Variants in SOX5 observed in about 807,000 individuals in gnomAD.
SOX5 encodes SRY-box transcription factor 5, also known as transcription factor SOX-5.
In SOX5, 9 loss-of-function variants were observed where a neutral mutation model predicts 92.0. That is an observed-to-expected ratio of 0.10 (90% CI 0.06 to 0.17). The LOEUF is 0.17. Among genes scored for constraint, SOX5 ranks in the 10% least tolerant of loss-of-function variants. The pLI is 1.00. For synonymous variants in SOX5, 344 were observed against 336.3 expected (o/e 1.02, Z -0.25); for missense variants, 642 against 944.5 (o/e 0.68, Z 4.20).
At chr12:24,166,061 G>A (rs952312767) in intron 4 of SOX5, among the ~76,000 whole-genome samples, 2 of 152,104 alleles carry the variant, frequency 1.3e-5, no homozygotes, top group Admixed American at 6.6e-5. Flanking sequence ...AGTGGAAGAA[G>A]AGACATAGAG....
At chr12:24,537,101 A>G (rs897198001) in intron 1 of SOX5, among the ~76,000 whole-genome samples, 1 of 152,262 alleles carries the variant, frequency 6.6e-6, no homozygotes, top group Non-Finnish European at 1.5e-5. Context: ...GAGACACAGT[A>G]AACACAATGC....
intron 6 of SOX5, among the ~76,000 whole-genome samples, chr12:23,715,310 A>G (rs924365560): frequency 1.3e-5 from 2 of 151,920 alleles, no homozygotes; most frequent in African/African-American, 2.4e-5. Flanking sequence ...AATAAAATAA[A>G]ATAAAATAAA....
intron 8 of SOX5, among the ~76,000 whole-genome samples, chr12:23,635,989 C>T (rs949829646): frequency 1.3e-5 from 2 of 152,030 alleles, no homozygotes; most frequent in Non-Finnish European, 2.9e-5. Flanking sequence ...TCACTAAGAC[C>T]AAAGAATAAG....
At chr12:23,779,689 T>C (rs1210957532) in intron 3 of SOX5, among the ~76,000 whole-genome samples, 1 of 150,662 alleles carries the variant, frequency 6.6e-6, no homozygotes, top group Non-Finnish European at 1.5e-5. Flanking sequence ...GAACTTCTTA[T>C]TTCTGTTTTC....
At chr12:23,629,966 A>G (rs1486645597) in intron 8 of SOX5, among the ~76,000 whole-genome samples, 1 of 152,000 alleles carries the variant, frequency 6.6e-6, no homozygotes, top group Non-Finnish European at 1.5e-5. Context: ...AATTTTCTCA[A>G]TTCAAGAAAT....
chr12:23,889,673 G>A (rs956344733), intron 2 of SOX5, among the ~76,000 whole-genome samples: 1 of 152,130 alleles, frequency 6.6e-6, no homozygotes, highest in Non-Finnish European at 1.5e-5. Context: ...GATCTCAGGT[G>A]TATTTCCAAA....
At chr12:24,532,871 G>A (rs867759921) in intron 1 of SOX5, among the ~76,000 whole-genome samples, 1 of 152,140 alleles carries the variant, frequency 6.6e-6, no homozygotes, top group Admixed American at 6.5e-5. Context: ...CAAAGCGAGC[G>A]TCATAAAATG....
At chr12:23,658,499 C>T (rs1184518037) in intron 7 of SOX5, among the ~76,000 whole-genome samples, 1 of 152,114 alleles carries the variant, frequency 6.6e-6, no homozygotes, top group Non-Finnish European at 1.5e-5. Context: ...ATTTACAAAG[C>T]TTTACAACTA....
intron 4 of SOX5, among the ~76,000 whole-genome samples, chr12:23,981,556 A>C (rs894748028): frequency 2.0e-5 from 3 of 152,304 alleles, no homozygotes; most frequent in African/African-American, 7.2e-5. Flanking sequence ...TAGATTACAC[A>C]TATGCACTTA....
At chr12:24,526,774 C>T (rs563972631) in intron 1 of SOX5, among the ~76,000 whole-genome samples, 3 of 152,224 alleles carry the variant, frequency 2.0e-5, no homozygotes, top group South Asian at 2.1e-4. Flanking sequence ...AACTACTGTC[C>T]GCCACATTAT....
rs1037506765 is a variant in SOX5 at position 24,393,382 on chromosome 12, G to A, written c.-250-24743C>T. Among the ~76,000 whole-genome samples the A allele has an allele frequency of 2.0e-5, 3 of 152,196 alleles. No individual in the cohort carries two copies. Among genetic ancestry groups the A allele is most frequent in the Non-Finnish European group, 4.4e-5 (3 of 68,040 alleles). On this transcript the variant is annotated intron_variant, in intron 1 of 4. Transcript: ENST00000446891. The surrounding 1 kb of genome is among the most constrained non-coding windows in gnomAD (Gnocchi z 5.0). ...TCTTGCCATTGGGACACAATTACAG[G>A]CCAATCAGGGTCGGAGATAACAGAA... is the stretch of plus-strand genomic sequence containing the variant.
intron 9 of SOX5, among the ~76,000 whole-genome samples, chr12:23,602,794 A>C (rs1205887682): frequency 1.3e-5 from 2 of 152,108 alleles, no homozygotes; most frequent in African/African-American, 4.8e-5. Context: ...CTGCTGGTCC[A>C]CAGAAACACT....
intron 1 of SOX5, among the ~76,000 whole-genome samples, chr12:24,517,505 T>G (rs1365103773): frequency 6.6e-6 from 1 of 152,148 alleles, no homozygotes; most frequent in Non-Finnish European, 1.5e-5. Flanking sequence ...ACAATCATTG[T>G]AAGCAGACAG....
At chr12:24,511,645 T>TA (rs1226465386) in intron 1 of SOX5, among the ~76,000 whole-genome samples, 1 of 152,202 alleles carries the variant, frequency 6.6e-6, no homozygotes, top group Non-Finnish European at 1.5e-5. Context: ...TGGCAATCAA[T>TA]AACGACATTT....
chr12:24,506,821 C>T (rs373786873), intron 1 of SOX5, among the ~76,000 whole-genome samples: 6 of 90,028 alleles, frequency 6.7e-5, no homozygotes, highest in African/African-American at 2.6e-4. Context: ...ACGGGAGTCT[C>T]GCTCTGTCGC....
chr12:23,605,009 C>T (rs1309512709), intron 8 of SOX5, among the ~76,000 whole-genome samples: 1 of 137,064 alleles, frequency 7.3e-6, no homozygotes, highest in Middle Eastern at 3.6e-3. Flanking sequence ...GGTAGAAGTA[C>T]AGAAAAGGCA....
At chr12:23,550,797 A>G (rs1450341295) in intron 11 of SOX5, among the ~76,000 whole-genome samples, 1 of 151,994 alleles carries the variant, frequency 6.6e-6, no homozygotes, top group Non-Finnish European at 1.5e-5. Flanking sequence ...ATAAAAAACA[A>G]CTGAAAATTC....
intron 1 of SOX5, among the ~76,000 whole-genome samples, chr12:23,924,316 T>C (rs1394419665): frequency 6.6e-6 from 1 of 152,160 alleles, no homozygotes; most frequent in East Asian, 1.9e-4. Flanking sequence ...GCTACTGTTG[T>C]AGCAATTCTT....
intron 4 of SOX5, among the ~76,000 whole-genome samples, chr12:24,175,362 T>C (rs551048346): frequency 3.9e-5 from 6 of 152,278 alleles, no homozygotes; most frequent in Admixed American, 1.3e-4. Context: ...ACCAAAAAAG[T>C]ACGATGGATA....
Sources: allele counts gnomAD v4.1 joint callset (sites outside exome capture counted in the v4.1 genomes callset), GRCh38; gene constraint gnomAD v4.1.1; non-coding constraint Gnocchi (gnomAD v3.1); transcripts MANE v1.5; gene names NCBI Gene and HGNC (gene_info 2026-07-23, HGNC 2026-07-21).